Variants in NOS1 observed in about 807,000 individuals in gnomAD.
NOS1 encodes the protein NOS type I.
A neutral mutation model predicts 164.5 loss-of-function variants in NOS1; 51 were observed. That is an observed-to-expected ratio of 0.31 (90% CI 0.25 to 0.39). The LOEUF is 0.39. NOS1 is among the 10% of genes least tolerant of loss of function. The pLI is 1.00. For missense variants in NOS1, 1,362 were observed against 1,885.6 expected (o/e 0.72, Z 5.14); for synonymous variants, 719 against 745.8 (o/e 0.96, Z 0.59).
intron 24 of NOS1, 27 bp downstream of exon 24, chr12:117,226,656 G>A: frequency 6.3e-7 from 1 of 1,599,404 alleles, no homozygotes; most frequent in Non-Finnish European, 8.6e-7. Flanking sequence ...TGAGATGATT[G>A]CTCATTTTTC....
In NOS1 at chr12:117,213,730, G is replaced by C; in HGVS notation, c.*1579C>G. 1 of 985,416 alleles carries C rather than the reference G, an allele frequency of 1.0e-6. No homozygotes were observed. Among genetic ancestry groups the C allele is most frequent in the Non-Finnish European group, 1.2e-6 (1 of 829,946 alleles). 61.0% of individuals were successfully genotyped at this position (985,416 alleles called of 1,614,324 possible). On this transcript the variant is annotated 3_prime_UTR_variant, in exon 29 of 29. Coordinates refer to ENST00000317775, the MANE Select transcript of NOS1 (RefSeq NM_000620.5). ...ATAGCAAGACACAACAAACAGGGTAGAACCAGCAGAACATTCCCTTTCCAT... is the reference window on the plus strand; with the variant it reads ...ATAGCAAGACACAACAAACAGGGTACAACCAGCAGAACATTCCCTTTCCAT...
In NOS1 at chr12:117,213,887, A is replaced by T; in HGVS notation, c.*1422T>A. 1 of 985,420 alleles carries T rather than the reference A, an allele frequency of 1.0e-6. No individual in the cohort carries two copies. The highest frequency in any genetic ancestry group is 1.2e-6 in the Non-Finnish European group (1 of 829,926). The allele number at this position is 985,420 out of a possible 1,614,324, so 61.0% of individuals were successfully genotyped here. A position where few individuals can be genotyped will look rare whatever the true frequency, so the allele number is the denominator to read the frequency against. On this transcript the variant is annotated 3_prime_UTR_variant, in exon 29 of 29. Transcript: ENST00000317775. ...TCCCACCATTTACTCTGAGAGAGTA[A>T]ATTCAACAGGTTGCCTCTTAGGGAG... is the stretch of plus-strand genomic sequence containing the variant.
At chr12:117,235,297 T>C (rs1334885193) in intron 20 of NOS1, among the ~76,000 whole-genome samples, 1 of 152,136 alleles carries the variant, frequency 6.6e-6, no homozygotes, top group African/African-American at 2.4e-5. Context: ...CTAGGGTTCA[T>C]CTGGATCTGG....
intron 1 of NOS1, among the ~76,000 whole-genome samples, chr12:117,336,834 T>C (rs1875843322): frequency 6.6e-6 from 1 of 152,192 alleles, no homozygotes; most frequent in South Asian, 2.1e-4. Context: ...TCTCACTCTG[T>C]CACCCAGGCT....
chr12:117,229,692 G>T (rs1264388936), intron 22 of NOS1, among the ~76,000 whole-genome samples: 1 of 151,974 alleles, frequency 6.6e-6, no homozygotes, highest in Non-Finnish European at 1.5e-5. Context: ...GGGTTCAAGC[G>T]ATTCTCCTAC....
At chr12:117,297,245 C>A (rs1188869624) in intron 3 of NOS1, among the ~76,000 whole-genome samples, 1 of 152,174 alleles carries the variant, frequency 6.6e-6, no homozygotes, top group South Asian at 2.1e-4. Flanking sequence ...CCAGGAGTAG[C>A]CATGGGGTTG....
chr12:117,281,013 C>A (rs957966268), intron 7 of NOS1, 147 bp from the exon 8 acceptor site: 2 of 817,478 alleles, frequency 2.4e-6, no homozygotes, highest in Admixed American at 2.8e-5. Flanking sequence ...AATGGAGCAG[C>A]GGTCGGAAGG....
intron 16 of NOS1, chr12:117,256,055 T>C: frequency 7.6e-7 from 1 of 1,321,538 alleles, no homozygotes; most frequent in Non-Finnish European, 1.0e-6. Flanking sequence ...GGAGAATCGA[T>C]GGTGCCCTAT....
rs775978271 is a variant in NOS1 at position 117,340,871 on chromosome 12, C to CTTTTTTTTTT, written c.-420-9383_-420-9382insAAAAAAAAAA. ...CCTGAGTAGCTGATATCACACCTGG[C>CTTTTTTTTTT]TATTTTTTTTTTTTTTTTTTTTTTT... is the stretch of plus-strand genomic sequence containing the variant. On this transcript the variant is annotated intron_variant, in intron 1 of 28. Coordinates refer to ENST00000317775, the MANE Select transcript of NOS1 (RefSeq NM_000620.5). Among the ~76,000 whole-genome samples the CTTTTTTTTTT allele has an allele frequency of 4.1e-3, 395 of 96,248 alleles. 6 individuals are homozygous for CTTTTTTTTTT. The highest frequency in any genetic ancestry group is 9.4e-3 in the South Asian group (26 of 2,774). 63.1% of individuals were successfully genotyped at this position (96,248 alleles called of 152,430 possible).
chr12:117,276,578 T>A (rs1316694989), intron 9 of NOS1, among the ~76,000 whole-genome samples: 1 of 152,020 alleles, frequency 6.6e-6, no homozygotes, highest in African/African-American at 2.4e-5. Context: ...CCACCATGCC[T>A]CTATTTCTTT....
chr12:117,220,362 G>T, intron 26 of NOS1, 93 bp from the exon 27 acceptor site: 1 of 1,262,476 alleles, frequency 7.9e-7, no homozygotes, highest in Non-Finnish European at 1.1e-6. Context: ...CTGACTCAGG[G>T]GCTTGTGGGC....
intron 2 of NOS1, among the ~76,000 whole-genome samples, chr12:117,329,206 G>T (rs922660099): frequency 5.3e-5 from 8 of 152,184 alleles, no homozygotes; most frequent in Admixed American, 5.2e-4. Flanking sequence ...AATGGCAGGG[G>T]ATTTGTTGAT....
chr12:117,241,769 C>T (rs147648690), intron 20 of NOS1, among the ~76,000 whole-genome samples: 197 of 152,328 alleles, frequency 1.3e-3, no homozygotes, highest in African/African-American at 4.2e-3. Flanking sequence ...CCATCAGAAC[C>T]GCGCCTGCGA....
intron 22 of NOS1, 91 bp from the exon 23 acceptor site, chr12:117,227,732 T>G (rs1868828783): frequency 8.0e-7 from 1 of 1,254,510 alleles, no homozygotes; most frequent in Non-Finnish European, 1.2e-6. Context: ...GAAGGCAAAA[T>G]AAAAGTAACA....
Position 117,210,356 on chromosome 12 carries a change from T to G in NOS1, c.*4953A>C, listed in dbSNP as rs1956508652. 1.0e-6 allele frequency: 1 copy of G among 985,200 alleles called. No individual in the cohort carries two copies. Among genetic ancestry groups the G allele is most frequent in the Non-Finnish European group, 1.2e-6 (1 of 829,926 alleles). 61.0% of individuals were successfully genotyped at this position (985,200 alleles called of 1,614,324 possible). A position where few individuals can be genotyped will look rare whatever the true frequency, so the allele number is the denominator to read the frequency against. The stretch of plus-strand genomic sequence containing the variant: ...ACAGCCAGAGAGTATGAATGGGTTA[T>G]AAAGGAAGACTAGTTAGTGTTTCTC... On this transcript the variant is annotated 3_prime_UTR_variant, in exon 29 of 29. Coordinates refer to ENST00000317775, the MANE Select transcript of NOS1 (RefSeq NM_000620.5).
intron 16 of NOS1, among the ~76,000 whole-genome samples, chr12:117,255,377 CA>C (rs1871359220): frequency 6.6e-6 from 1 of 151,334 alleles, no homozygotes; most frequent in South Asian, 2.1e-4. Context: ...AATCTAATTA[CA>C]AAAAATTAAA....
chr12:117,308,001 A>G (rs1367740055), intron 3 of NOS1, among the ~76,000 whole-genome samples: 2 of 151,310 alleles, frequency 1.3e-5, no homozygotes, highest in Non-Finnish European at 2.9e-5. Context: ...AATAAATAAT[A>G]ATAATAATAA....
At chr12:117,317,520 G>GC in intron 2 of NOS1, among the ~76,000 whole-genome samples, 1 of 151,006 alleles carries the variant, frequency 6.6e-6, no homozygotes, top group East Asian at 1.9e-4. Context: ...ATTGCAAAGT[G>GC]CCCCCTGGGA....
chr12:117,267,246 T>A (rs1872489222), intron 11 of NOS1, among the ~76,000 whole-genome samples: 1 of 152,220 alleles, frequency 6.6e-6, no homozygotes, highest in African/African-American at 2.4e-5. Flanking sequence ...ATCCTAGTGA[T>A]GCCCATTGTC....
Sources: allele counts gnomAD v4.1 joint callset (sites outside exome capture counted in the v4.1 genomes callset), GRCh38; gene constraint gnomAD v4.1.1; transcripts MANE v1.5; gene names NCBI Gene and HGNC (gene_info 2026-07-23, HGNC 2026-07-21).